CNTNAP2: variants seen among roughly 807,000 people sequenced by gnomAD.
CNTNAP2 encodes contactin-associated protein-like 2.
CNTNAP2 carries 98 observed loss-of-function variants against 155.2 expected under a neutral mutation model. That is an observed-to-expected ratio of 0.63 (90% CI 0.54 to 0.75). CNTNAP2 has a LOEUF of 0.75. CNTNAP2 is among the 30% of genes least tolerant of loss of function. The probability of loss-of-function intolerance (pLI) is 0.00; values close to 1 mark genes in which losing one functional copy is unlikely to be tolerated. For missense variants in CNTNAP2, 1,727 were observed against 1,688.1 expected (o/e 1.02, Z -0.40); for synonymous variants, 651 against 631.2 (o/e 1.03, Z -0.47).
intron 1 of CNTNAP2, among the ~76,000 whole-genome samples, chr7:146,123,138 T>C (rs1273431458): frequency 6.6e-6 from 1 of 152,154 alleles, no homozygotes; most frequent in Non-Finnish European, 1.5e-5. Flanking sequence ...TGAATTTGCT[T>C]GCTGAAGATC....
intron 3 of CNTNAP2, among the ~76,000 whole-genome samples, chr7:146,939,040 T>G (rs1390913809): frequency 2.6e-5 from 4 of 152,052 alleles, no homozygotes; most frequent in Non-Finnish European, 4.4e-5. Context: ...AAAATATAAT[T>G]TCATAATGTA....
chr7:146,776,477 G>T (rs1802391805), intron 2 of CNTNAP2, among the ~76,000 whole-genome samples: 1 of 152,164 alleles, frequency 6.6e-6, no homozygotes, highest in South Asian at 2.1e-4. Context: ...CTGGTGTTGA[G>T]CAAGGAACCC....
intron 9 of CNTNAP2, among the ~76,000 whole-genome samples, chr7:147,341,980 G>A (rs562015070): frequency 1.3e-5 from 2 of 152,214 alleles, no homozygotes; most frequent in Admixed American, 6.5e-5. Flanking sequence ...AGTTGTGGAG[G>A]CTATAACTTC....
intron 10 of CNTNAP2, 22 bp downstream of exon 10, chr7:147,395,802 C>G (rs754553138): frequency 1.7e-5 from 28 of 1,610,534 alleles, no homozygotes; most frequent in Middle Eastern, 1.7e-4. Context: ...TTTCATCCTA[C>G]CTCACGTTGT....
chr7:147,148,101 G>A (rs1801742791), intron 8 of CNTNAP2, among the ~76,000 whole-genome samples: 1 of 152,198 alleles, frequency 6.6e-6, no homozygotes, highest in Admixed American at 6.5e-5. Flanking sequence ...ATGGTAAAAA[G>A]TGGTGGGGGC....
At chr7:147,475,743 A>G (rs1169228097) in intron 10 of CNTNAP2, among the ~76,000 whole-genome samples, 2 of 152,090 alleles carry the variant, frequency 1.3e-5, no homozygotes, top group African/African-American at 4.8e-5. Flanking sequence ...ACCATACCTT[A>G]TTATGTTTTA....
chr7:146,595,817 G>A (rs1035068554), intron 1 of CNTNAP2, among the ~76,000 whole-genome samples: 1 of 152,058 alleles, frequency 6.6e-6, no homozygotes, highest in African/African-American at 2.4e-5. Flanking sequence ...GGACAGCTAG[G>A]GCTCGAACCT....
At chr7:148,172,206 A>G (rs1482393865) in intron 17 of CNTNAP2, 36 bp from the exon 18 acceptor site, 3 of 1,598,388 alleles carry the variant, frequency 1.9e-6, no homozygotes, top group East Asian at 2.2e-5. Flanking sequence ...AGCAGAGGTT[A>G]TTCCCTCTGA....
At chr7:146,319,544 A>G (rs1464308663) in intron 1 of CNTNAP2, among the ~76,000 whole-genome samples, 1 of 152,214 alleles carries the variant, frequency 6.6e-6, no homozygotes. Flanking sequence ...TTCTTATAGC[A>G]AATGTGTTAA....
intron 1 of CNTNAP2, among the ~76,000 whole-genome samples, chr7:146,703,398 C>T (rs558005711): frequency 2.6e-5 from 4 of 152,212 alleles, no homozygotes; most frequent in Non-Finnish European, 4.4e-5. Context: ...AGATAAATAA[C>T]TCTGTCATGC....
At chr7:147,058,612 GT>G in intron 4 of CNTNAP2, among the ~76,000 whole-genome samples, 1 of 140,810 alleles carries the variant, frequency 7.1e-6, no homozygotes, top group Admixed American at 6.9e-5. Context: ...TTTTGTTTTT[GT>G]TTTTGCTTTT....
At chr7:146,714,297 C>A (rs1423749093) in intron 1 of CNTNAP2, among the ~76,000 whole-genome samples, 1 of 152,208 alleles carries the variant, frequency 6.6e-6, no homozygotes, top group African/African-American at 2.4e-5. Context: ...TTGTTCACTG[C>A]TTACATTTCC....
intron 10 of CNTNAP2, among the ~76,000 whole-genome samples, chr7:147,479,703 T>C (rs1358832830): frequency 6.6e-6 from 1 of 151,784 alleles, no homozygotes; most frequent in Non-Finnish European, 1.5e-5. Flanking sequence ...GCAAAATTAA[T>C]GATTAATAGA....
At chr7:148,182,216 T>C (rs1478788330) in intron 18 of CNTNAP2, among the ~76,000 whole-genome samples, 2 of 152,246 alleles carry the variant, frequency 1.3e-5, no homozygotes, top group East Asian at 3.8e-4. Context: ...TAACACTCTT[T>C]ATCTTTTCCC....
chr7:147,127,946 A>G (rs1801274471), intron 6 of CNTNAP2, among the ~76,000 whole-genome samples: 1 of 152,188 alleles, frequency 6.6e-6, no homozygotes, highest in Non-Finnish European at 1.5e-5. Flanking sequence ...ATTTTGTATC[A>G]TATAAATTTA....
At chr7:147,241,106 T>C (rs1185726329) in intron 8 of CNTNAP2, among the ~76,000 whole-genome samples, 1 of 152,206 alleles carries the variant, frequency 6.6e-6, no homozygotes, top group Non-Finnish European at 1.5e-5. Context: ...CTGTTGAAAT[T>C]TGACTGCATA....
intron 16 of CNTNAP2, among the ~76,000 whole-genome samples, chr7:148,147,290 A>AC (rs1039232847): frequency 4.0e-5 from 6 of 151,802 alleles, no homozygotes; most frequent in South Asian, 2.1e-4. Flanking sequence ...TGACACATAG[A>AC]CCCCCCAAAA....
At chr7:148,119,367 C>CAA (rs10670510) in intron 16 of CNTNAP2, among the ~76,000 whole-genome samples, 19,831 of 146,114 alleles carry the variant, frequency 0.14, 2,446 homozygotes, top group East Asian at 0.49. Flanking sequence ...ACTAAAAATA[C>CAA]AAAAAAAAAA....
rs539048268 is a variant in CNTNAP2 at position 147,141,389 on chromosome 7, A to G, written c.1348+8880A>G. The stretch of plus-strand genomic sequence containing the variant: ...TTGTTAGGGTATAGGCGTTATGAGC[A>G]TGGACTCTGGAGCCAGATTGCCTAC... On this transcript the variant is annotated intron_variant, in intron 8 of 23. Transcript: ENST00000361727. 5.3e-5 allele frequency among the ~76,000 whole-genome samples: 8 copies of G among 152,280 alleles called. No individual in the cohort carries two copies. The South Asian group carries it at 1.7e-3, about 32-fold the overall frequency.
Sources: gnomAD v4.1 joint callset for allele counts (sites outside exome capture counted in the v4.1 genomes callset) on GRCh38, gnomAD v4.1.1 for gene constraint, MANE v1.5 for transcripts, NCBI Gene and HGNC (gene_info 2026-07-23, HGNC 2026-07-21) for gene names.